NRXN3: variants seen among roughly 807,000 people sequenced by gnomAD.
The protein encoded by NRXN3 is neurexin III.
A neutral mutation model predicts 137.6 loss-of-function variants in NRXN3; 32 were observed. The observed-to-expected ratio is 0.23, with a 90% confidence interval of 0.18 to 0.31. The LOEUF (loss-of-function observed/expected upper bound fraction) is 0.31, where lower values mean the gene tolerates loss of function less well. Among genes scored for constraint, NRXN3 ranks in the 10% least tolerant of loss-of-function variants. The pLI is 1.00. For synonymous variants in NRXN3, 798 were observed against 784.5 expected (o/e 1.02, Z -0.29); for missense variants, 1,574 against 2,062.5 (o/e 0.76, Z 4.59).
In NRXN3 at chr14:78,974,769, G is replaced by A. The variant is rs556956435; in HGVS notation, c.3142+6423G>A. Among the ~76,000 whole-genome samples, 12 of 152,178 alleles carry A rather than the reference G, an allele frequency of 7.9e-5. No individual in the cohort carries two copies. The East Asian group carries it at 1.9e-3, about 25-fold the overall frequency. ...GTTTTTTGTTTCCTAACATTGGGGT[G>A]TGGACTATTACTCACAAGCTGGCTT... On this transcript the variant is annotated intron_variant, in intron 14 of 20. Transcript: ENST00000335750.
At chr14:79,331,644 C>T (rs2091694742) in intron 15 of NRXN3, among the ~76,000 whole-genome samples, 1 of 152,084 alleles carries the variant, frequency 6.6e-6, no homozygotes, top group Non-Finnish European at 1.5e-5. Flanking sequence ...TTTAATTACC[C>T]ACCACCGTTA....
At chr14:79,858,309 G>GAAAAAACAAACCA (rs2141893734) in intron 20 of NRXN3, among the ~76,000 whole-genome samples, 1 of 151,896 alleles carries the variant, frequency 6.6e-6, no homozygotes, top group African/African-American at 2.4e-5. Flanking sequence ...AAAACAAACC[G>GAAAAAACAAACCA]AAAAAACAAA....
intron 4 of NRXN3, among the ~76,000 whole-genome samples, chr14:78,619,814 GT>G (rs2097382108): frequency 6.6e-6 from 1 of 152,110 alleles, no homozygotes; most frequent in Admixed American, 6.5e-5. Flanking sequence ...GCCTCAGGTA[GT>G]TCTTTACAGC....
intron 8 of NRXN3, among the ~76,000 whole-genome samples, chr14:78,747,195 AACTTCGGG>A (rs2098612992): frequency 6.6e-6 from 1 of 152,170 alleles, no homozygotes; most frequent in African/African-American, 2.4e-5. Context: ...GTTGTTCGTG[AACTTCGGG>A]ACTAAGACTC....
At chr14:79,672,949 C>CAAT (rs3061438) in intron 17 of NRXN3, among the ~76,000 whole-genome samples, 2 of 151,906 alleles carry the variant, frequency 1.3e-5, no homozygotes, top group African/African-American at 4.8e-5. Context: ...CATAAATATC[C>CAAT]AATAATAATA....
chr14:78,365,917 G>T (rs934707736), intron 4 of NRXN3, among the ~76,000 whole-genome samples: 2 of 152,176 alleles, frequency 1.3e-5, no homozygotes, highest in African/African-American at 4.8e-5. Context: ...GTGGAGAAAA[G>T]CGTAAAATAT....
intron 15 of NRXN3, among the ~76,000 whole-genome samples, chr14:79,268,400 T>C (rs1304153145): frequency 2.0e-5 from 3 of 152,222 alleles, no homozygotes; most frequent in African/African-American, 7.2e-5. Context: ...AGAATATTTG[T>C]TTGACAGTAT....
chr14:79,555,478 C>T (rs1213771262), intron 16 of NRXN3, among the ~76,000 whole-genome samples: 1 of 152,026 alleles, frequency 6.6e-6, no homozygotes. Flanking sequence ...CGATGTTTGC[C>T]CTCAAGACCT....
chr14:78,311,485 G>A (rs1156394628), intron 4 of NRXN3, among the ~76,000 whole-genome samples: 1 of 152,172 alleles, frequency 6.6e-6, no homozygotes, highest in Non-Finnish European at 1.5e-5. Flanking sequence ...GGCTTTGAAT[G>A]CAATCCAACA....
chr14:79,243,058 G>A (rs182865964), intron 15 of NRXN3, among the ~76,000 whole-genome samples: 6 of 151,970 alleles, frequency 3.9e-5, no homozygotes, highest in Non-Finnish European at 7.4e-5. Context: ...AGAAGTTTAA[G>A]CATTCATCTT....
At chr14:79,214,437 A>T (rs957803279) in intron 15 of NRXN3, among the ~76,000 whole-genome samples, 3 of 152,184 alleles carry the variant, frequency 2.0e-5, no homozygotes, top group Non-Finnish European at 4.4e-5. Flanking sequence ...ACAGTAATGT[A>T]TTATGTAGTT....
At chr14:79,405,803 G>T (rs1190109795) in intron 15 of NRXN3, among the ~76,000 whole-genome samples, 1 of 152,052 alleles carries the variant, frequency 6.6e-6, no homozygotes, top group Non-Finnish European at 1.5e-5. Context: ...GGGAACCTTT[G>T]TCTTCTTGTG....
chr14:79,244,717 T>C (rs186900932), intron 15 of NRXN3, among the ~76,000 whole-genome samples: 2 of 152,302 alleles, frequency 1.3e-5, no homozygotes, highest in East Asian at 3.9e-4. Context: ...ACCCATTCTT[T>C]GCACCAGGTT....
intron 1 of NRXN3, among the ~76,000 whole-genome samples, chr14:78,204,463 A>G (rs1386326026): frequency 3.3e-5 from 5 of 152,184 alleles, no homozygotes; most frequent in African/African-American, 1.2e-4. Flanking sequence ...ATTTAGGGAT[A>G]TTTCTCACAG....
chr14:79,115,505 G>A (rs1332348133), intron 15 of NRXN3, among the ~76,000 whole-genome samples: 1 of 152,066 alleles, frequency 6.6e-6, no homozygotes, highest in African/African-American at 2.4e-5. Context: ...CACATGTATG[G>A]TTCAGAAATA....
rs117897911 is a variant in NRXN3, at chr14:79,451,812, G to A, written c.3263-15409G>A. Among the ~76,000 whole-genome samples the A allele has an allele frequency of 4.1e-3, 626 of 152,308 alleles. 3 individuals are homozygous for A. Among genetic ancestry groups the A allele is most frequent in the Non-Finnish European group, 7.1e-3 (481 of 68,032 alleles). On this transcript the variant is annotated intron_variant, in intron 15 of 20. Transcript: ENST00000335750. The stretch of plus-strand genomic sequence containing the variant: ...AAGAGAGATTAAAAGGAGCAAAGCT[G>A]TTCTCTAAGTTTCTTGATCTGCACC...
chr14:78,472,500 A>G (rs2095294072), intron 4 of NRXN3, among the ~76,000 whole-genome samples: 1 of 152,202 alleles, frequency 6.6e-6, no homozygotes, highest in Non-Finnish European at 1.5e-5. Flanking sequence ...TGGCAGGAGC[A>G]GTGTCATTAA....
At chr14:78,180,423 T>G (rs213569) in intron 1 of NRXN3, among the ~76,000 whole-genome samples, 75,174 of 152,136 alleles carry the variant, frequency 0.49, 18,852 homozygotes, top group Middle Eastern at 0.53. Flanking sequence ...TTGGCTGAGC[T>G]GCCGCTGCAT....
In NRXN3 at chr14:79,322,369, A is replaced by G. The variant is rs566120665; in HGVS notation, c.3263-144852A>G. Among the ~76,000 whole-genome samples, 99 of 152,258 alleles carry G rather than the reference A, an allele frequency of 6.5e-4. 1 individual carries two copies. The highest frequency in any genetic ancestry group is 1.2e-3 in the Non-Finnish European group (83 of 68,020). On this transcript the variant is annotated intron_variant, in intron 15 of 20. Coordinates refer to ENST00000335750, the MANE Select transcript of NRXN3 (RefSeq NM_001330195.2). Reference sequence around the variant, plus strand: ...ACACCGAAATCACAGGCTTGACCGCATTTACGGATGGCACAGATACCAGAT... The same window carrying G: ...ACACCGAAATCACAGGCTTGACCGCGTTTACGGATGGCACAGATACCAGAT...
Sources: allele counts gnomAD v4.1 joint callset (sites outside exome capture counted in the v4.1 genomes callset), GRCh38; gene constraint gnomAD v4.1.1; transcripts MANE v1.5; gene names NCBI Gene and HGNC (gene_info 2026-07-23, HGNC 2026-07-21).